The following EPHA7 variants were observed in gnomAD, a reference collection of about 807,000 sequenced individuals.
EPHA7 encodes EPH receptor A7.
Under a neutral mutation model 112.6 loss-of-function variants are expected in EPHA7, and 25 were observed. The observed-to-expected ratio is 0.22, with a 90% CI of 0.16 to 0.31. The LOEUF (loss-of-function observed/expected upper bound fraction) is 0.31, where lower values mean the gene tolerates loss of function less well. Ranked by LOEUF, EPHA7 falls within the 10% of genes least tolerant of loss-of-function variation. EPHA7 has a pLI of 1.00. For missense variants in EPHA7, 962 were observed against 1,212.6 expected (o/e 0.79, Z 3.07); for synonymous variants, 437 against 406.5 (o/e 1.07, Z -0.90).
chr6:93,361,801 T>C (rs966988963), intron 3 of EPHA7, among the ~76,000 whole-genome samples: 4 of 152,104 alleles, frequency 2.6e-5, no homozygotes, highest in Admixed American at 2.0e-4. Context: ...ATCTGTTCAA[T>C]AGCACATGAA....
Position 93,419,496 on chromosome 6 carries a change from A to T in EPHA7, c.-155T>A. 1.4e-5 allele frequency: 8 copies of T among 582,882 alleles called. No individual in the cohort carries two copies. Among genetic ancestry groups the T allele is most frequent in the South Asian group, 9.3e-5 (4 of 43,158 alleles). 36.1% of individuals were successfully genotyped at this position (582,882 alleles called of 1,614,324 possible). ...GCTGCTCCACGTTTAGCTTTTTTTAATTTCCCCCCCACTCCTGTTCGCTCG... is the reference window on the plus strand; with the variant it reads ...GCTGCTCCACGTTTAGCTTTTTTTATTTTCCCCCCCACTCCTGTTCGCTCG... On this transcript the variant is annotated 5_prime_UTR_variant, in exon 1 of 17. Coordinates refer to ENST00000369303, the MANE Select transcript of EPHA7 (RefSeq NM_004440.4).
At chr6:93,326,160 T>C (rs1432621062) in intron 5 of EPHA7, among the ~76,000 whole-genome samples, 1 of 151,300 alleles carries the variant, frequency 6.6e-6, no homozygotes, top group African/African-American at 2.4e-5. Context: ...TAGTGGGAAG[T>C]AAAAAGGAAA....
intron 5 of EPHA7, among the ~76,000 whole-genome samples, chr6:93,276,715 T>G (rs1771490183): frequency 6.6e-6 from 1 of 152,248 alleles, no homozygotes; most frequent in South Asian, 2.1e-4. Context: ...AACGTGATAT[T>G]AAATTGTATG....
intron 3 of EPHA7, among the ~76,000 whole-genome samples, chr6:93,393,394 T>C (rs1428641891): frequency 6.6e-6 from 1 of 151,840 alleles, no homozygotes; most frequent in Non-Finnish European, 1.5e-5. Context: ...GTTAAATTAG[T>C]ATATGAAATA....
intron 5 of EPHA7, among the ~76,000 whole-genome samples, chr6:93,349,833 GA>G (rs1341994606): frequency 6.6e-6 from 1 of 151,734 alleles, no homozygotes; most frequent in Non-Finnish European, 1.5e-5. Context: ...GAAAAGAGAC[GA>G]TCTACGTTAA....
intron 3 of EPHA7, among the ~76,000 whole-genome samples, chr6:93,391,956 A>G (rs1407024410): frequency 1.3e-5 from 2 of 151,988 alleles, no homozygotes; most frequent in South Asian, 2.1e-4. Context: ...TCTTTGGAGC[A>G]TATCAGACAG....
chr6:93,350,745 A>T (rs1285008211), intron 5 of EPHA7, among the ~76,000 whole-genome samples: 4 of 148,838 alleles, frequency 2.7e-5, no homozygotes, highest in East Asian at 2.0e-4. Flanking sequence ...CTAGGCAGGA[A>T]TTTTTTTTTT....
At chr6:93,272,544 C>G (rs1476858873) in intron 5 of EPHA7, 122 bp from the exon 6 acceptor site, 3 of 1,113,022 alleles carry the variant, frequency 2.7e-6, no homozygotes, top group African/African-American at 3.1e-5. Context: ...AGCACCTTTT[C>G]ATAGCTCACA....
intron 5 of EPHA7, among the ~76,000 whole-genome samples, chr6:93,303,526 G>C (rs981097986): frequency 4.6e-5 from 7 of 152,074 alleles, no homozygotes; most frequent in Admixed American, 2.6e-4. Flanking sequence ...TTTGTTGATG[G>C]CTGCATTTTT....
Position 93,241,046 on chromosome 6 carries a change from T to G in EPHA7, c.*2380A>C, listed in dbSNP as rs345741. ...ATGAGGTATATTGCTGAAGGAAAAA[T>G]TTATTTTTGAAAAAAACTCAAAAAA... On this transcript the variant is annotated 3_prime_UTR_variant, in exon 17 of 17. Coordinates refer to ENST00000369303, the MANE Select transcript of EPHA7 (RefSeq NM_004440.4). 0.9 allele frequency: 187,554 copies of G among 209,124 alleles called. 84,322 individuals carry two copies. The highest frequency in any genetic ancestry group is 0.98 in the African/African-American group (43,087 of 44,180). 13.0% of individuals were successfully genotyped at this position (209,124 alleles called of 1,614,324 possible). A position where few individuals can be genotyped will look rare whatever the true frequency, so the allele number is the denominator to read the frequency against.
At chr6:93,281,550 A>C (rs1434630651) in intron 5 of EPHA7, among the ~76,000 whole-genome samples, 1 of 152,094 alleles carries the variant, frequency 6.6e-6, no homozygotes, top group Non-Finnish European at 1.5e-5. Flanking sequence ...TTTAACAATA[A>C]ACCTTTAAGT....
At chr6:93,386,161 C>T (rs1039158341) in intron 3 of EPHA7, among the ~76,000 whole-genome samples, 1 of 152,152 alleles carries the variant, frequency 6.6e-6, no homozygotes, top group African/African-American at 2.4e-5. Context: ...CAACAGTTCC[C>T]CAAAGACTTA....
intron 5 of EPHA7, among the ~76,000 whole-genome samples, chr6:93,284,431 A>G (rs1220647671): frequency 5.9e-5 from 9 of 152,130 alleles, no homozygotes; most frequent in Admixed American, 5.9e-4. Flanking sequence ...GAGAAAGAAA[A>G]GAATAAGAAA....
At chr6:93,257,906 T>G (rs778287574) in intron 11 of EPHA7, among the ~76,000 whole-genome samples, 193 bp downstream of exon 11, 1 of 152,018 alleles carries the variant, frequency 6.6e-6, no homozygotes, top group Admixed American at 6.6e-5. Flanking sequence ...AATCTTGCAT[T>G]CATTTTTTTT....
At chr6:93,278,856 C>G (rs1419118140) in intron 5 of EPHA7, among the ~76,000 whole-genome samples, 2 of 151,914 alleles carry the variant, frequency 1.3e-5, no homozygotes, top group Admixed American at 1.3e-4. Context: ...AAATTCTAGG[C>G]TCTGACACTT....
intron 5 of EPHA7, among the ~76,000 whole-genome samples, chr6:93,349,269 T>C (rs1485093466): frequency 6.6e-6 from 1 of 151,808 alleles, no homozygotes. Flanking sequence ...ATTTATGGTG[T>C]CACAAAAATA....
At chr6:93,282,413 C>T (rs117843394) in intron 5 of EPHA7, among the ~76,000 whole-genome samples, 1 of 152,298 alleles carries the variant, frequency 6.6e-6, no homozygotes, top group East Asian at 1.9e-4. Context: ...GGATTACAAC[C>T]GAAGTTTTAA....
chr6:93,406,124 A>G (rs997744238), intron 3 of EPHA7, among the ~76,000 whole-genome samples: 5 of 151,260 alleles, frequency 3.3e-5, no homozygotes, highest in Non-Finnish European at 7.4e-5. Flanking sequence ...TCTCATAAAA[A>G]TTATAAGTGT....
intron 7 of EPHA7, among the ~76,000 whole-genome samples, chr6:93,265,303 A>G (rs1156405398): frequency 6.6e-6 from 1 of 151,748 alleles, no homozygotes; most frequent in African/African-American, 2.4e-5. Flanking sequence ...TTAAGATTAC[A>G]AAGTAGCTAG....
Sources: allele counts gnomAD v4.1 joint callset (sites outside exome capture counted in the v4.1 genomes callset), GRCh38; gene constraint gnomAD v4.1.1; transcripts MANE v1.5; gene names NCBI Gene and HGNC (gene_info 2026-07-23, HGNC 2026-07-21).